The following RBM27 variants were observed in gnomAD, a reference collection of about 807,000 sequenced individuals.
RBM27 encodes the protein RNA-binding protein 27.
A neutral mutation model predicts 135.3 loss-of-function variants in RBM27; 22 were observed. The observed-to-expected ratio is 0.16, with a 90% CI of 0.12 to 0.23. The LOEUF is 0.23. Among genes scored for constraint, RBM27 ranks in the 10% least tolerant of loss-of-function variants. The pLI, the probability that RBM27 is intolerant of heterozygous loss-of-function variation, is 1.00. For missense variants in RBM27, 1,009 were observed against 1,281.0 expected, an observed-to-expected ratio of 0.79 and a Z score of 3.24; for synonymous variants, 481 against 442.4, an observed-to-expected ratio of 1.09 and a Z score of -1.10.
intron 7 of RBM27, among the ~76,000 whole-genome samples, chr5:146,235,956 C>G (rs901279897): frequency 2.0e-5 from 3 of 152,060 alleles, no homozygotes; most frequent in African/African-American, 7.2e-5. Context: ...TCCCAAAGTT[C>G]AGGGATTACA....
At chr5:146,225,558 T>C (rs186166284) in intron 3 of RBM27, among the ~76,000 whole-genome samples, 6 of 150,460 alleles carry the variant, frequency 4.0e-5, no homozygotes, top group Non-Finnish European at 3.0e-5. Flanking sequence ...TTCTGTTTTT[T>C]ACCTTTCTGT....
chr5:146,205,550 A>G (rs1357274791), intron 1 of RBM27, among the ~76,000 whole-genome samples: 1 of 152,014 alleles, frequency 6.6e-6, no homozygotes, highest in East Asian at 1.9e-4. Flanking sequence ...AACACACTTG[A>G]AGGTTTTGTA....
intron 8 of RBM27, among the ~76,000 whole-genome samples, chr5:146,242,234 T>C (rs1297226168): frequency 6.6e-6 from 1 of 152,256 alleles, no homozygotes; most frequent in Non-Finnish European, 1.5e-5. Flanking sequence ...CATGCCTGAC[T>C]TAATCTTTTA....
chr5:146,267,071 C>T (rs1341294183), intron 14 of RBM27, among the ~76,000 whole-genome samples: 1 of 152,146 alleles, frequency 6.6e-6, no homozygotes, highest in Non-Finnish European at 1.5e-5. Context: ...AGCCAGATAC[C>T]ACCTGTAGCC....
chr5:146,259,617 A>C (rs1258370952), intron 11 of RBM27, among the ~76,000 whole-genome samples: 4 of 151,656 alleles, frequency 2.6e-5, no homozygotes, highest in African/African-American at 9.7e-5. Context: ...TATGATTTTA[A>C]GTGTTAGTTG....
Position 146,271,657 on chromosome 5 carries a change from T to C in RBM27, c.2971T>C (p.Leu991=), listed in dbSNP as rs1758871016. The part of the protein sequence containing the change: ...GGFIEEEKED[L]LQHFSTANQG... ...ATTCATTGAGGAAGAAAAAGAAGAC[T>C]TGCTTCAGCATTTCTCAGTAAGTTT... is the stretch of plus-strand genomic sequence containing the variant. Residue 991 remains leucine (L), a synonymous_variant, in exon 19 of 21, where the codon TTG becomes CTG. Coordinates refer to ENST00000265271, the MANE Select transcript of RBM27 (RefSeq NM_018989.2). 16 of 1,612,944 alleles carry C rather than the reference T, an allele frequency of 9.9e-6. No individual in the cohort carries two copies. The highest frequency in any genetic ancestry group is 1.3e-5 in the Non-Finnish European group (15 of 1,179,300).
At chr5:146,279,293 C>G (rs1355080492) in intron 19 of RBM27, among the ~76,000 whole-genome samples, 1 of 150,846 alleles carries the variant, frequency 6.6e-6, no homozygotes, top group Non-Finnish European at 1.5e-5. Flanking sequence ...ACTAAGAATA[C>G]AGAAAATTAG....
chr5:146,258,383 A>G, intron 10 of RBM27, 66 bp from the exon 11 acceptor site: 1 of 1,317,294 alleles, frequency 7.6e-7, no homozygotes. Context: ...TTTAGCTTTT[A>G]GACTAAATAT....
At chr5:146,232,133 T>C (rs1756961106) in intron 6 of RBM27, among the ~76,000 whole-genome samples, 2 of 152,196 alleles carry the variant, frequency 1.3e-5, no homozygotes, top group African/African-American at 2.4e-5. Flanking sequence ...CACCAACCCA[T>C]GGGGAATGTT....
intron 19 of RBM27, among the ~76,000 whole-genome samples, chr5:146,274,864 G>A (rs2126895681): frequency 6.6e-6 from 1 of 151,854 alleles, no homozygotes; most frequent in Middle Eastern, 3.4e-3. Context: ...TTTCTGTAAA[G>A]GACTAGATAG....
chr5:146,232,364 A>G (rs987560933), intron 6 of RBM27, among the ~76,000 whole-genome samples: 2 of 152,178 alleles, frequency 1.3e-5, no homozygotes, highest in Admixed American at 6.5e-5. Context: ...AATGTTATCA[A>G]TTTGTTGTTT....
rs1262318518 is a variant in RBM27 at position 146,251,789 on chromosome 5, C to T, written c.1358C>T (p.Ala453Val). 1.2e-6 allele frequency: 2 copies of T among 1,613,798 alleles called. No individual in the cohort carries two copies. The highest frequency in any genetic ancestry group is 1.7e-6 in the Non-Finnish European group (2 of 1,179,690). The change falls in exon 9 of 21, where the codon GCA becomes GTA. Residue 453 changes from alanine to valine, a missense_variant. By Grantham distance (64) the Ala-to-Val change is moderately conservative. Around this residue, in one of 6 missense-constraint regions of RBM27, gnomAD observed 329 missense variants for 368.1 expected, o/e 0.89. Coordinates refer to ENST00000265271, the MANE Select transcript of RBM27 (RefSeq NM_018989.2). ...LQLGTPPPLLAARLVPPRNLM... is the reference protein window; with the variant it reads ...LQLGTPPPLLVARLVPPRNLM... ...TTGGGGACACCGCCTCCTCTGTTGG[C>T]AGCTCGTTTGGTGCCACCTCGAAAC... is the stretch of plus-strand genomic sequence containing the variant.
intron 1 of RBM27, among the ~76,000 whole-genome samples, chr5:146,211,679 C>G (rs2126682295): frequency 6.6e-6 from 1 of 151,574 alleles, no homozygotes; most frequent in East Asian, 2.0e-4. Context: ...CAAGGTTGCT[C>G]CATGTTGGTC....
intron 1 of RBM27, among the ~76,000 whole-genome samples, chr5:146,204,365 A>G (rs934957623): frequency 2.6e-5 from 4 of 152,208 alleles, no homozygotes; most frequent in African/African-American, 9.7e-5. Context: ...GATCAAGAAT[A>G]TTGAAGGATT....
Position 146,229,777 on chromosome 5 carries a change from G to A in RBM27, c.456G>A (p.Arg152=), listed in dbSNP as rs1756851456. The A allele has an allele frequency of 1.2e-6, 2 of 1,613,088 alleles. No individual in the cohort carries two copies. The highest frequency in any genetic ancestry group is 1.7e-6 in the Non-Finnish European group (2 of 1,179,238). ...KWRDYDRYYE[R]NELYREKYDW... ...GAGACTATGACCGGTACTATGAGCG[G>A]AATGAATTGTACCGTGAGAAGTATG... is the stretch of plus-strand genomic sequence containing the variant. Residue 152 remains arginine, a synonymous_variant, in exon 5 of 21, where the codon CGG becomes CGA. Coordinates refer to ENST00000265271, the MANE Select transcript of RBM27 (RefSeq NM_018989.2).
chr5:146,253,422 T>C (rs62372768), intron 9 of RBM27, among the ~76,000 whole-genome samples: 33,159 of 152,094 alleles, frequency 0.22, 4,450 homozygotes, highest in Admixed American at 0.34. Context: ...TCTGTGCCAT[T>C]GTTCTCTGAG....
chr5:146,218,880 G>C, intron 1 of RBM27, 105 bp from the exon 2 acceptor site: 2 of 621,178 alleles, frequency 3.2e-6, no homozygotes, highest in South Asian at 5.0e-5. Context: ...TTTTAGAATA[G>C]AGTTTTGATT....
intron 17 of RBM27, among the ~76,000 whole-genome samples, chr5:146,270,626 CTA>C (rs1184297441): frequency 6.6e-6 from 1 of 152,040 alleles, no homozygotes; most frequent in Non-Finnish European, 1.5e-5. Flanking sequence ...TACATTTTTA[CTA>C]TATAATTTAT....
intron 8 of RBM27, among the ~76,000 whole-genome samples, chr5:146,246,864 GTTT>G (rs1280123997): frequency 3.7e-5 from 5 of 135,138 alleles, no homozygotes; most frequent in Non-Finnish European, 4.9e-5. Flanking sequence ...TAGTGCTGTG[GTTT>G]TTTTTTTTTT....
Sources: allele counts gnomAD v4.1 joint callset (sites outside exome capture counted in the v4.1 genomes callset), GRCh38; gene constraint gnomAD v4.1.1; regional missense constraint gnomAD v4.1.1; transcripts MANE v1.5; gene names NCBI Gene and HGNC (gene_info 2026-07-23, HGNC 2026-07-21).